Variants in SLC14A2 observed in about 807,000 individuals in gnomAD.
SLC14A2 encodes the protein urea transporter 2.
Under a neutral mutation model 104.6 loss-of-function variants are expected in SLC14A2, and 91 were observed. The observed-to-expected ratio is 0.87, with a 90% CI of 0.73 to 1.04. The LOEUF is 1.04. Ranked by LOEUF, SLC14A2 falls within the 50% of genes least tolerant of loss-of-function variation. The pLI, the probability that SLC14A2 is intolerant of heterozygous loss-of-function variation, is 0.00. For missense variants in SLC14A2, 1,189 were observed against 1,156.0 expected, an observed-to-expected ratio of 1.03 and a Z score of -0.41; for synonymous variants, 476 against 466.4, an observed-to-expected ratio of 1.02 and a Z score of -0.27.
chr18:45,524,334 T>C (rs1271358038), intron 2 of SLC14A2, among the ~76,000 whole-genome samples: 5 of 152,320 alleles, frequency 3.3e-5, no homozygotes, highest in African/African-American at 1.2e-4. Context: ...AGGTCCTCAA[T>C]AAATGCTTGT....
At chr18:45,589,290 G>A (rs1018551162) in intron 2 of SLC14A2, among the ~76,000 whole-genome samples, 1 of 151,492 alleles carries the variant, frequency 6.6e-6, no homozygotes, top group Non-Finnish European at 1.5e-5. Flanking sequence ...TTTGGGGGTG[G>A]GGAGCTGGAA....
At chr18:45,267,887 G>A (rs542130524) in intron 1 of SLC14A2, among the ~76,000 whole-genome samples, 1 of 152,300 alleles carries the variant, frequency 6.6e-6, no homozygotes, top group East Asian at 1.9e-4. Flanking sequence ...GAGATAAATT[G>A]TAGAGAACAG....
intron 1 of SLC14A2, among the ~76,000 whole-genome samples, chr18:45,251,869 G>A (rs1429179037): frequency 6.6e-6 from 1 of 152,176 alleles, no homozygotes; most frequent in Admixed American, 6.5e-5. Context: ...ATAACATGTA[G>A]CAAATAGAGT....
At chr18:45,374,301 T>A (rs1275809100) in intron 1 of SLC14A2, among the ~76,000 whole-genome samples, 1 of 152,244 alleles carries the variant, frequency 6.6e-6, no homozygotes. Context: ...TAATTGGCAA[T>A]CTGCATAATG....
At chr18:45,675,514 CTGTTGT>C (rs377611022) in intron 18 of SLC14A2, among the ~76,000 whole-genome samples, 2 of 151,086 alleles carry the variant, frequency 1.3e-5, no homozygotes, top group African/African-American at 4.9e-5. Context: ...GGGCGTTTTA[CTGTTGT>C]TGTTGTTGTT....
chr18:45,207,405 GAGAGAGAA>G, the SLC14A2 span, among the ~76,000 whole-genome samples: 7 of 150,450 alleles, frequency 4.7e-5, no homozygotes, highest in African/African-American at 1.7e-4. Context: ...GGGAGGAAAA[GAGAGAGAA>G]AGAGAGAAAG....
intron 1 of SLC14A2, among the ~76,000 whole-genome samples, chr18:45,318,118 G>A (rs1044421834): frequency 1.4e-4 from 21 of 152,204 alleles, no homozygotes; most frequent in Non-Finnish European, 2.4e-4. Flanking sequence ...TGATTGAGAC[G>A]CGCCTCTTTG....
intron 1 of SLC14A2, among the ~76,000 whole-genome samples, chr18:45,402,984 A>G (rs2086112702): frequency 6.6e-6 from 1 of 152,220 alleles, no homozygotes; most frequent in African/African-American, 2.4e-5. Flanking sequence ...GTATCACCTA[A>G]CAGGATGTAC....
intron 1 of SLC14A2, among the ~76,000 whole-genome samples, chr18:45,267,039 G>C (rs1276773834): frequency 7.2e-5 from 11 of 152,274 alleles, no homozygotes; most frequent in South Asian, 2.1e-4. Context: ...GCACTGGGAG[G>C]TTCTCCAATC....
intron 2 of SLC14A2, among the ~76,000 whole-genome samples, chr18:45,596,093 G>A (rs1288853484): frequency 3.9e-5 from 6 of 152,122 alleles, no homozygotes; most frequent in African/African-American, 1.2e-4. Flanking sequence ...TGTTCACAAG[G>A]CACCTCTCCT....
chr18:45,449,050 G>T (rs959722966), intron 1 of SLC14A2, among the ~76,000 whole-genome samples: 2 of 152,148 alleles, frequency 1.3e-5, no homozygotes, highest in African/African-American at 4.8e-5. Flanking sequence ...ATCCCAAAGG[G>T]CATTCAGGTC....
chr18:45,619,005 T>C (rs991583276), intron 1 of SLC14A2, among the ~76,000 whole-genome samples: 1 of 152,206 alleles, frequency 6.6e-6, no homozygotes, highest in Non-Finnish European at 1.5e-5. Context: ...GAGCCACAGT[T>C]TTTCTAACCA....
At chr18:45,168,390 C>T in the SLC14A2 span, among the ~76,000 whole-genome samples, 1 of 152,108 alleles carries the variant, frequency 6.6e-6, no homozygotes, top group African/African-American at 2.4e-5. Context: ...TTTGGCTGAA[C>T]CTCATACTCA....
Position 45,377,514 on chromosome 18 carries a change from A to G in SLC14A2, c.-124-105719A>G, listed in dbSNP as rs544030601. Among the ~76,000 whole-genome samples, 12 of 152,008 alleles carry G rather than the reference A, an allele frequency of 7.9e-5. No individual in the cohort carries two copies. The South Asian group carries it at 1.0e-3, about 13-fold the overall frequency. Reference sequence around the variant, plus strand: ...CAAAGTCTAAAACCTAGTCCTTCCCATTTGACCTCTACCTCTTTCTCCTCC... The same window carrying G: ...CAAAGTCTAAAACCTAGTCCTTCCCGTTTGACCTCTACCTCTTTCTCCTCC... On this transcript the variant is annotated intron_variant, in intron 1 of 20. Transcript: ENST00000586448.
rs1255293615 is a variant in SLC14A2, at chr18:45,632,221, AACTG to A, written c.522-125_522-122del. 4 of 1,159,732 alleles carry A rather than the reference AACTG, an allele frequency of 3.4e-6. No individual in the cohort carries two copies. The South Asian group carries it at 4.6e-5, about 13-fold the overall frequency. The allele number at this position is 1,159,732 out of a possible 1,614,324, so 71.8% of individuals were successfully genotyped here. ...GTGACTGCCCAATATTCATTGAGCG[AACTG>A]ACTTTTTTCTAAGCATTATTATTAA... On this transcript the variant is annotated intron_variant, in intron 4 of 19. Coordinates refer to ENST00000255226, the MANE Select transcript of SLC14A2 (RefSeq NM_007163.4).
chr18:45,354,494 T>C (rs1325647610), intron 1 of SLC14A2, among the ~76,000 whole-genome samples: 1 of 152,158 alleles, frequency 6.6e-6, no homozygotes, highest in African/African-American at 2.4e-5. Flanking sequence ...TCAGAGACAG[T>C]GTTGACTTGC....
chr18:45,570,653 A>G (rs954392999), intron 2 of SLC14A2, among the ~76,000 whole-genome samples: 13 of 152,184 alleles, frequency 8.5e-5, no homozygotes, highest in African/African-American at 3.1e-4. Flanking sequence ...CTGTCCTCCC[A>G]TCCAGGACCA....
chr18:45,520,502 G>C (rs16978393), intron 2 of SLC14A2, among the ~76,000 whole-genome samples: 11,498 of 152,186 alleles, frequency 0.076, 559 homozygotes, highest in East Asian at 0.21. Flanking sequence ...AATACCTTTT[G>C]AATGATGGAC....
At chr18:45,325,005 A>T (rs1266106225) in intron 1 of SLC14A2, among the ~76,000 whole-genome samples, 1 of 152,170 alleles carries the variant, frequency 6.6e-6, no homozygotes, top group Non-Finnish European at 1.5e-5. Context: ...TCTAGCAAAG[A>T]TGGGTGCTGT....
Sources: allele counts gnomAD v4.1 joint callset (sites outside exome capture counted in the v4.1 genomes callset), GRCh38; gene constraint gnomAD v4.1.1; transcripts MANE v1.5; gene names NCBI Gene and HGNC (gene_info 2026-07-23, HGNC 2026-07-21).